AASS: variants seen among roughly 807,000 people sequenced by gnomAD.
The protein encoded by AASS is aminoadipate-semialdehyde synthase.
A neutral mutation model predicts 105.4 loss-of-function variants in AASS; 86 were observed. That is an observed-to-expected ratio of 0.82 (90% CI 0.69 to 0.98). The LOEUF is 0.98. Among genes scored for constraint, AASS ranks in the 50% least tolerant of loss-of-function variants. AASS has a pLI of 0.00. For synonymous variants in AASS, 381 were observed against 394.8 expected, an observed-to-expected ratio of 0.96 and a Z score of 0.41; for missense variants, 1,048 against 1,143.2, an observed-to-expected ratio of 0.92 and a Z score of 1.20.
chr7:122,143,192 G>C (rs1223832010), intron 1 of AASS, among the ~76,000 whole-genome samples: 2 of 152,108 alleles, frequency 1.3e-5, no homozygotes, highest in Admixed American at 6.6e-5. Context: ...CGCAGCTTCA[G>C]TCAAGGACCA....
intron 18 of AASS, 69 bp downstream of exon 18, chr7:122,091,634 G>A: frequency 1.2e-6 from 2 of 1,609,692 alleles, no homozygotes; most frequent in Non-Finnish European, 1.7e-6. Flanking sequence ...TTTGGGATCA[G>A]GGAGTATTTA....
At chr7:122,099,333 C>T (rs916306733) in intron 13 of AASS, among the ~76,000 whole-genome samples, 1 of 151,792 alleles carries the variant, frequency 6.6e-6, no homozygotes, top group South Asian at 2.1e-4. Context: ...TATTATTATC[C>T]ATATTAGAAA....
At position 122,126,492 on chromosome 7, in the gene AASS, C is replaced by T. The variant is rs368117719; in HGVS notation, c.388-33G>A. 8 of 1,556,380 alleles carry T rather than the reference C, an allele frequency of 5.1e-6. No individual in the cohort carries two copies. The African/African-American group carries it at 6.8e-5, about 13-fold the overall frequency. On this transcript the variant is annotated intron_variant, in intron 3 of 23. Coordinates refer to ENST00000417368, the MANE Select transcript of AASS (RefSeq NM_005763.4). ...GAGGATAAAAAAATTTCAACTGGAC[C>T]CATTAAGCTTAATTTTAACAAGTAA...
chr7:122,112,369 G>C (rs555196267), intron 11 of AASS, among the ~76,000 whole-genome samples: 1 of 152,128 alleles, frequency 6.6e-6, no homozygotes, highest in Non-Finnish European at 1.5e-5. Context: ...ATAGGAAAAA[G>C]AAAGGGTCAA....
chr7:122,129,335 A>G, intron 3 of AASS, 26 bp downstream of exon 3: 2 of 1,428,086 alleles, frequency 1.4e-6, no homozygotes, highest in Non-Finnish European at 1.9e-6. Context: ...CTACATTAAT[A>G]TTTATAAATA....
chr7:122,079,787 C>A, intron 20 of AASS, 75 bp from the exon 21 acceptor site: 1 of 944,988 alleles, frequency 1.1e-6, no homozygotes, highest in Non-Finnish European at 1.7e-6. Flanking sequence ...AATTATCCTA[C>A]TAAAACACTG....
chr7:122,091,679 C>T (rs776588206), intron 18 of AASS, 24 bp downstream of exon 18: 2 of 1,613,156 alleles, frequency 1.2e-6, no homozygotes, highest in Admixed American at 3.3e-5. Context: ...GTTGATATCA[C>T]TATGCTTGGA....
In AASS at chr7:122,098,832, T is replaced by C. The variant is rs1584840977; in HGVS notation, c.1441A>G (p.Arg481Gly). The change falls in exon 14 of 24, where the codon AGA becomes GGA. Residue 481 changes from arginine (R) to glycine (G), a missense_variant. Physicochemically the swap from Arg to Gly is moderately radical, Grantham distance 125. Transcript: ENST00000417368. Reference sequence around the variant, plus strand: ...CCAGATCCAAGAACCAAAACCTTTCTCCTGGTGCCCATTGAAAGTGACTGA... The same window carrying C: ...CCAGATCCAAGAACCAAAACCTTTCCCCTGGTGCCCATTGAAAGTGACTGA... ...RAQSLSMGTR[R>G]KVLVLGSGYI... is the part of the protein sequence containing the mutation. The C allele has an allele frequency of 6.4e-7, 1 of 1,561,202 alleles. No homozygotes were observed. The highest frequency in any genetic ancestry group is 8.7e-7 in the Non-Finnish European group (1 of 1,154,960).
At chr7:122,129,010 G>A (rs540617851) in intron 3 of AASS, among the ~76,000 whole-genome samples, 7 of 152,162 alleles carry the variant, frequency 4.6e-5, no homozygotes, top group East Asian at 3.9e-4. Flanking sequence ...CCTGGGAGGC[G>A]GAGGTTGCAG....
chr7:122,114,545 C>A (rs1436600188), intron 9 of AASS, among the ~76,000 whole-genome samples: 1 of 151,996 alleles, frequency 6.6e-6, no homozygotes, highest in Non-Finnish European at 1.5e-5. Context: ...GAGAAAGAGA[C>A]CCCCTATCCT....
intron 21 of AASS, 198 bp downstream of exon 21, chr7:122,079,399 C>T: frequency 7.5e-7 from 1 of 1,326,144 alleles, no homozygotes; most frequent in South Asian, 1.5e-5. Flanking sequence ...AAGCATTTCT[C>T]AAATTCTAAT....
At chr7:122,082,724 A>G (rs112703174) in intron 19 of AASS, 12 of 836,206 alleles carry the variant, frequency 1.4e-5, no homozygotes, top group African/African-American at 5.3e-5. Flanking sequence ...GTAGAGTATT[A>G]TATTAATAGG....
At chr7:122,144,048 C>A (rs1796523813) in intron 1 of AASS, 113 bp downstream of exon 1, 1 of 152,176 alleles carries the variant, frequency 6.6e-6, no homozygotes, top group African/African-American at 2.4e-5. Flanking sequence ...GCCAGGCTCG[C>A]GGGCCCCTCC....
intron 3 of AASS, among the ~76,000 whole-genome samples, chr7:122,128,644 G>A (rs1007116155): frequency 2.0e-5 from 3 of 152,054 alleles, no homozygotes; most frequent in Non-Finnish European, 4.4e-5. Flanking sequence ...CTCTTTCCTT[G>A]GAACAAACAG....
intron 1 of AASS, among the ~76,000 whole-genome samples, chr7:122,135,044 T>C (rs1360677520): frequency 1.3e-5 from 2 of 152,124 alleles, no homozygotes; most frequent in Admixed American, 6.5e-5. Flanking sequence ...AAACACCTTA[T>C]GTTCTCACTC....
chr7:122,119,586 A>G (rs1469703125), intron 4 of AASS, among the ~76,000 whole-genome samples: 4 of 151,970 alleles, frequency 2.6e-5, no homozygotes, highest in South Asian at 4.1e-4. Context: ...TCCCTACCAA[A>G]TTTTCTTTTG....
At chr7:122,091,881 C>T (rs1793920593) in intron 17 of AASS, 38 bp from the exon 18 acceptor site, 1 of 1,419,924 alleles carries the variant, frequency 7.0e-7, no homozygotes, top group Non-Finnish European at 9.9e-7. Flanking sequence ...GAAGAATTCA[C>T]AACTTAGAGA....
intron 4 of AASS, among the ~76,000 whole-genome samples, chr7:122,124,554 A>G (rs1193099428): frequency 1.3e-5 from 2 of 152,188 alleles, no homozygotes; most frequent in Non-Finnish European, 2.9e-5. Flanking sequence ...AAGTGCTGGG[A>G]TTACAGGTGT....
chr7:122,138,600 A>G (rs1206040041), intron 1 of AASS, among the ~76,000 whole-genome samples: 3 of 152,182 alleles, frequency 2.0e-5, no homozygotes, highest in Non-Finnish European at 4.4e-5. Flanking sequence ...ACTACTATGT[A>G]CTGAGACAGG....
Sources: gnomAD v4.1 joint callset for allele counts (sites outside exome capture counted in the v4.1 genomes callset) on GRCh38, gnomAD v4.1.1 for gene constraint, MANE v1.5 for transcripts, NCBI Gene and HGNC (gene_info 2026-07-23, HGNC 2026-07-21) for gene names.